Variants in OR9Q1 observed in about 807,000 individuals in gnomAD.
The protein encoded by OR9Q1 is olfactory receptor family 9 subfamily Q member 1.
For synonymous variants in OR9Q1, 153 were observed against 148.6 expected (o/e 1.03, Z -0.22); for missense variants, 374 against 378.8 (o/e 0.99, Z 0.11).
At chr11:58,053,272 A>G (rs1853285818) in intron 1 of OR9Q1, among the ~76,000 whole-genome samples, 1 of 151,910 alleles carries the variant, frequency 6.6e-6, no homozygotes, top group Admixed American at 6.6e-5. Context: ...GTAGCCATAA[A>G]AAATGATGAG....
At chr11:58,130,212 A>G (rs1854127426) in intron 2 of OR9Q1, among the ~76,000 whole-genome samples, 1 of 152,206 alleles carries the variant, frequency 6.6e-6, no homozygotes, top group Non-Finnish European at 1.5e-5. Context: ...CAGAAAAGTT[A>G]AACACTTCAA....
intron 2 of OR9Q1, among the ~76,000 whole-genome samples, chr11:58,125,685 C>T (rs1854084369): frequency 6.6e-6 from 1 of 152,104 alleles, no homozygotes; most frequent in Non-Finnish European, 1.5e-5. Flanking sequence ...CCCTGGGACT[C>T]CAGAGAATAG....
intron 2 of OR9Q1, among the ~76,000 whole-genome samples, chr11:58,172,385 A>C (rs1812937756): frequency 6.6e-6 from 1 of 152,196 alleles, no homozygotes; most frequent in Non-Finnish European, 1.5e-5. Context: ...ATGTGTGTAG[A>C]TTCAGACCAG....
At chr11:58,150,388 T>G (rs1050059392) in intron 2 of OR9Q1, among the ~76,000 whole-genome samples, 8 of 152,134 alleles carry the variant, frequency 5.3e-5, no homozygotes, top group African/African-American at 1.9e-4. Context: ...CCTCCTACCT[T>G]GGCCTCCCCA....
At position 58,113,306 on chromosome 11, in the gene OR9Q1, C is replaced by T. The variant is rs1000979826; in HGVS notation, c.-15+57359C>T. Among the ~76,000 whole-genome samples the T allele has an allele frequency of 2.0e-5, 3 of 152,132 alleles. No individual in the cohort carries two copies. In the East Asian group the frequency reaches 5.8e-4, roughly 29 times the overall value. ...CCCAGTAAGTCAGAAAACATTCCCT[C>T]CCAAGTCAATCTTGATGGGACCTCA... On this transcript the variant is annotated intron_variant, in intron 2 of 2. Coordinates refer to ENST00000335397, the MANE Select transcript of OR9Q1 (RefSeq NM_001005212.4).
At chr11:58,056,401 C>T (rs751665380) in intron 2 of OR9Q1, among the ~76,000 whole-genome samples, 4 of 152,164 alleles carry the variant, frequency 2.6e-5, no homozygotes, top group Non-Finnish European at 5.9e-5. Context: ...AGGCAAACTA[C>T]TGCCTGTAGA....
intron 2 of OR9Q1, among the ~76,000 whole-genome samples, chr11:58,093,067 G>A (rs1267111767): frequency 1.3e-5 from 2 of 152,018 alleles, no homozygotes; most frequent in Non-Finnish European, 2.9e-5. Context: ...TTCTAAAAAT[G>A]TTTGTAAATT....
chr11:58,174,655 T>G (rs1310165373), intron 2 of OR9Q1, among the ~76,000 whole-genome samples: 1 of 148,926 alleles, frequency 6.7e-6, no homozygotes, highest in East Asian at 2.0e-4. Context: ...TCTAGTATGT[T>G]AGAAGTTAAA....
intron 2 of OR9Q1, among the ~76,000 whole-genome samples, chr11:58,088,659 T>G (rs191740438): frequency 6.7e-6 from 1 of 148,958 alleles, no homozygotes; most frequent in African/African-American, 2.4e-5. Context: ...ACCCACTTTT[T>G]GATGGGATTG....
At chr11:58,134,235 T>C (rs907714772) in intron 2 of OR9Q1, among the ~76,000 whole-genome samples, 2 of 152,186 alleles carry the variant, frequency 1.3e-5, no homozygotes, top group African/African-American at 4.8e-5. Context: ...TTTCATCTGC[T>C]TCCATCAGTG....
chr11:58,069,769 G>A (rs930734921), intron 2 of OR9Q1, among the ~76,000 whole-genome samples: 24 of 151,684 alleles, frequency 1.6e-4, no homozygotes, highest in African/African-American at 5.6e-4. Context: ...TACGGGGGAA[G>A]CTGAGGTGGG....
chr11:58,152,770 AG>A (rs1249713334), intron 2 of OR9Q1, among the ~76,000 whole-genome samples: 1 of 152,228 alleles, frequency 6.6e-6, no homozygotes, highest in African/African-American at 2.4e-5. Context: ...GATATTAGAA[AG>A]GCCTTGTCTC....
chr11:58,033,997 A>G (rs1450137578), intron 1 of OR9Q1, among the ~76,000 whole-genome samples: 1 of 145,378 alleles, frequency 6.9e-6, no homozygotes, highest in East Asian at 2.1e-4. Context: ...ATGCAAGTTT[A>G]TTCTATCTTG....
intron 2 of OR9Q1, among the ~76,000 whole-genome samples, chr11:58,153,502 TA>T (rs1854374182): frequency 6.6e-6 from 1 of 151,622 alleles, no homozygotes; most frequent in Admixed American, 6.6e-5. Context: ...TCATGCTCTA[TA>T]GGAGCAATGA....
chr11:58,109,934 G>A (rs1236274766), intron 2 of OR9Q1, among the ~76,000 whole-genome samples: 1 of 152,128 alleles, frequency 6.6e-6, no homozygotes, highest in Non-Finnish European at 1.5e-5. Flanking sequence ...ACCAGAGAAT[G>A]TTAGACCATC....
intron 2 of OR9Q1, among the ~76,000 whole-genome samples, chr11:58,082,195 T>C (rs1853593612): frequency 6.6e-6 from 1 of 152,170 alleles, no homozygotes; most frequent in Non-Finnish European, 1.5e-5. Flanking sequence ...ATTGTGGAAG[T>C]CGGTGTGGCA....
chr11:58,118,807 A>G, intron 2 of OR9Q1: 1 of 1,614,082 alleles, frequency 6.2e-7, no homozygotes, highest in African/African-American at 1.3e-5. Flanking sequence ...AATCAGGATG[A>G]CGGAGGCATT....
intron 2 of OR9Q1, chr11:58,109,316 A>G (rs892652574): frequency 1.3e-5 from 6 of 461,082 alleles, no homozygotes; most frequent in African/African-American, 8.0e-5. Context: ...GCCATCACTG[A>G]CAGCAGGTAA....
intron 2 of OR9Q1, among the ~76,000 whole-genome samples, chr11:58,071,819 A>C (rs1853490472): frequency 6.6e-6 from 1 of 152,204 alleles, no homozygotes; most frequent in Non-Finnish European, 1.5e-5. Flanking sequence ...AATTAGACAA[A>C]TCTATCTAAT....
Sources: gnomAD v4.1 joint callset for allele counts (sites outside exome capture counted in the v4.1 genomes callset) on GRCh38, gnomAD v4.1.1 for gene constraint, MANE v1.5 for transcripts, NCBI Gene and HGNC (gene_info 2026-07-23, HGNC 2026-07-21) for gene names.